PEX5: variants seen among roughly 807,000 people sequenced by gnomAD.
PEX5 encodes the protein PTS1 receptor.
Under a neutral mutation model 82.9 loss-of-function variants are expected in PEX5, and 52 were observed. The ratio of observed to expected loss-of-function variants is 0.63; its 90% confidence interval spans 0.50 to 0.79. The LOEUF is 0.79. Among genes scored for constraint, PEX5 ranks in the 30% least tolerant of loss-of-function variants. PEX5 has a pLI of 0.00. For synonymous variants in PEX5, 300 were observed against 318.8 expected, an observed-to-expected ratio of 0.94 and a Z score of 0.63; for missense variants, 719 against 815.2, an observed-to-expected ratio of 0.88 and a Z score of 1.44.
Position 7,203,414 on chromosome 12 carries a change from G to T in PEX5, c.847-18G>T. The stretch of plus-strand genomic sequence containing the variant: ...CATGATGGATCTCCTTTTTCTATCT[G>T]CTTTCCCTTCCTTACAGTCTGATGT... On this transcript the variant is annotated intron_variant, in intron 9 of 15. Transcript: ENST00000675855. 6.2e-7 allele frequency: 1 copy of T among 1,608,560 alleles called. No individual in the cohort carries two copies. The highest frequency in any genetic ancestry group is 8.5e-7 in the Non-Finnish European group (1 of 1,177,478).
At chr12:7,208,869 G>C (rs1215531211) in intron 13 of PEX5, 136 bp from the exon 14 acceptor site, 2 of 939,796 alleles carry the variant, frequency 2.1e-6, no homozygotes, top group African/African-American at 3.2e-5. Context: ...TTCTATATTG[G>C]ACTTTGAGAG....
chr12:7,190,322 G>A, intron 1 of PEX5, 40 bp from the exon 2 acceptor site: 1 of 1,609,838 alleles, frequency 6.2e-7, no homozygotes, highest in East Asian at 2.2e-5. Context: ...AGAAGGGTCT[G>A]GCTTGGGTAC....
intron 5 of PEX5, among the ~76,000 whole-genome samples, chr12:7,191,920 G>A (rs984261258): frequency 1.3e-5 from 2 of 152,354 alleles, no homozygotes; most frequent in South Asian, 4.1e-4. Flanking sequence ...TGGATAGAGA[G>A]AACGAAGAGT....
At chr12:7,215,891 AAAAAC>A (rs1166322317), downstream of PEX5, among the ~76,000 whole-genome samples, 14 of 151,454 alleles carry the variant, frequency 9.2e-5, no homozygotes, top group East Asian at 5.8e-4. Context: ...AATAAAAGTC[AAAAAC>A]AAAACAAAAG....
intron 2 of PEX5, 38 bp from the exon 3 acceptor site, chr12:7,190,850 G>T: frequency 6.2e-7 from 1 of 1,601,702 alleles, no homozygotes; most frequent in Non-Finnish European, 8.6e-7. Flanking sequence ...GATTTTAGAG[G>T]AACTGCGTCA....
At chr12:7,196,190 A>G (rs1942085407) in intron 5 of PEX5, among the ~76,000 whole-genome samples, 1 of 141,470 alleles carries the variant, frequency 7.1e-6, no homozygotes, top group Non-Finnish European at 1.5e-5. Flanking sequence ...ATTATATATA[A>G]TGTAATATAT....
chr12:7,213,364 A>C (rs1169652525), downstream of PEX5, among the ~76,000 whole-genome samples: 1 of 151,182 alleles, frequency 6.6e-6, no homozygotes, highest in Non-Finnish European at 1.5e-5. Flanking sequence ...ACAGCATGGT[A>C]CTGGTACCAA....
At chr12:7,191,837 A>C (rs1184404660) in intron 5 of PEX5, 137 bp downstream of exon 5, 1 of 800,504 alleles carries the variant, frequency 1.2e-6, no homozygotes, top group East Asian at 2.5e-5. Context: ...TACTGAACTC[A>C]ATTTCCCTTA....
At chr12:7,206,084 A>G (rs773821686) in intron 10 of PEX5, among the ~76,000 whole-genome samples, 2 of 152,346 alleles carry the variant, frequency 1.3e-5, no homozygotes, top group East Asian at 3.9e-4. Context: ...AGTGGCTTAA[A>G]ACACGTATTA....
intron 6 of PEX5, among the ~76,000 whole-genome samples, chr12:7,201,119 G>T (rs950305278): frequency 6.7e-6 from 1 of 148,280 alleles, no homozygotes; most frequent in Admixed American, 6.7e-5. Context: ...AACCAAAAGC[G>T]CATGCATGTG....
intron 5 of PEX5, 53 bp downstream of exon 5, chr12:7,191,753 T>A (rs1168473385): frequency 7.9e-6 from 12 of 1,520,958 alleles, no homozygotes; most frequent in Non-Finnish European, 1.0e-5. Flanking sequence ...CAGAATTCTA[T>A]ACCCTTCCCC....
At chr12:7,206,271 T>C (rs1419141312) in intron 10 of PEX5, among the ~76,000 whole-genome samples, 1 of 152,256 alleles carries the variant, frequency 6.6e-6, no homozygotes, top group African/African-American at 2.4e-5. Context: ...AGAGTAATAC[T>C]TTGTGACAAG....
chr12:7,203,905 A>T (rs1318817836), intron 10 of PEX5, among the ~76,000 whole-genome samples: 1 of 152,218 alleles, frequency 6.6e-6, no homozygotes, highest in Non-Finnish European at 1.5e-5. Context: ...GGGGAGTGTT[A>T]GTGGACAGAC....
At chr12:7,215,040 C>CAA (rs2136293678), downstream of PEX5, among the ~76,000 whole-genome samples, 1 of 152,094 alleles carries the variant, frequency 6.6e-6, no homozygotes, top group East Asian at 1.9e-4. Context: ...TTGTAGTCCG[C>CAA]AAAATTTGCA....
chr12:7,200,134 G>A (rs1281545935), intron 6 of PEX5, among the ~76,000 whole-genome samples: 2 of 150,688 alleles, frequency 1.3e-5, no homozygotes, highest in African/African-American at 4.9e-5. Context: ...CTTCCCAGAC[G>A]GGGCGGCTGC....
rs767874558 is a variant in PEX5 at position 7,191,194 on chromosome 12, A to G, written c.184-32A>G. On this transcript the variant is annotated intron_variant, in intron 3 of 15. Transcript: ENST00000675855. ...CCTCTTGCTGGGGCCTCCCAAGCCT[A>G]TGGGTTCATTTCATCATTTCCCTTC... The G allele has an allele frequency of 8.7e-6, 14 of 1,613,832 alleles. No homozygotes were observed. In the South Asian group the frequency reaches 8.8e-5, roughly 10 times the overall value.
intron 10 of PEX5, among the ~76,000 whole-genome samples, chr12:7,206,979 G>A (rs979008820): frequency 5.9e-5 from 9 of 152,068 alleles, no homozygotes; most frequent in Admixed American, 2.6e-4. Context: ...AGATAGTATC[G>A]TAACTCTTCT....
At position 7,208,540 on chromosome 12, in the gene PEX5, C is replaced by G; in HGVS notation, c.1265C>G (p.Ala422Gly). 2 of 1,614,110 alleles carry G rather than the reference C, an allele frequency of 1.2e-6. No homozygotes were observed. Among genetic ancestry groups the G allele is most frequent in the Non-Finnish European group, 1.7e-6 (2 of 1,179,940 alleles). ...SFTNESLQRQ[A>G]CETLRDWLRY... ...ACCAACGAGTCCCTGCAGCGACAGG[C>G]CTGTGAAACCCTACGAGACTGGCTG... The change falls in exon 13 of 16, where the codon GCC (alanine) becomes GGC (glycine). Residue 422 changes from alanine to glycine, a missense_variant. Transcript: ENST00000675855.
chr12:7,207,972 T>G (rs1945024306), intron 11 of PEX5, 38 bp from the exon 12 acceptor site: 1 of 1,571,524 alleles, frequency 6.4e-7, no homozygotes. Flanking sequence ...AATGGAGAGG[T>G]GAATATGGGG....
Sources: allele counts gnomAD v4.1 joint callset (sites outside exome capture counted in the v4.1 genomes callset), GRCh38; gene constraint gnomAD v4.1.1; transcripts MANE v1.5; gene names NCBI Gene and HGNC (gene_info 2026-07-23, HGNC 2026-07-21).